THAP4: variants seen among roughly 807,000 people sequenced by gnomAD.
The protein encoded by THAP4 is peroxynitrite isomerase THAP4.
In THAP4, 18 loss-of-function variants were observed where a neutral mutation model predicts 48.1. The ratio of observed to expected loss-of-function variants is 0.37; its 90% CI spans 0.26 to 0.56. The LOEUF (loss-of-function observed/expected upper bound fraction) is 0.56. Ranked by LOEUF, THAP4 falls within the 20% of genes least tolerant of loss-of-function variation. THAP4 has a pLI of 0.78. For missense variants in THAP4, 656 were observed against 774.9 expected (o/e 0.85, Z 1.82); for synonymous variants, 345 against 324.9 (o/e 1.06, Z -0.66).
At chr2:241,605,698 T>C (rs531344581) in intron 3 of THAP4, among the ~76,000 whole-genome samples, 78 of 152,062 alleles carry the variant, frequency 5.1e-4, no homozygotes, top group African/African-American at 1.7e-3. Context: ...TTATTTTCAG[T>C]AATATTGGGT....
At chr2:241,626,357 C>A (rs776153921) in intron 2 of THAP4, among the ~76,000 whole-genome samples, 4 of 152,030 alleles carry the variant, frequency 2.6e-5, no homozygotes, top group Admixed American at 6.6e-5. Context: ...AGGAGAATTG[C>A]TTTAACCAGG....
At position 241,636,981 on chromosome 2, in the gene THAP4, G is replaced by A. The variant is rs1459205023; in HGVS notation, c.37C>T (p.Arg13Trp). ...ICCAAVNCSN[R>W]QGKGEKRAVS... Reference sequence around the variant, plus strand: ...GCGCGCTTCTCGCCCTTTCCCTGCCGGTTGGAGCAGTTCACGGCCGCACAG... The same window carrying A: ...GCGCGCTTCTCGCCCTTTCCCTGCCAGTTGGAGCAGTTCACGGCCGCACAG... Residue 13 changes from arginine (R) to tryptophan (W), a missense_variant, in exon 1 of 6, where the codon CGG becomes TGG. Arg to Trp is a moderately radical substitution (Grantham distance 101). Transcript: ENST00000407315. 3.0e-6 allele frequency: 4 copies of A among 1,329,528 alleles called. No homozygotes were observed. The highest frequency in any genetic ancestry group is 3.9e-6 in the Non-Finnish European group (4 of 1,017,178). The allele number at this position is 1,329,528 out of a possible 1,614,324, so 82.4% of individuals were successfully genotyped here. A position where few individuals can be genotyped will look rare whatever the true frequency, so the allele number is the denominator to read the frequency against.
chr2:241,590,411 C>T (rs867433764), intron 5 of THAP4, among the ~76,000 whole-genome samples: 191 of 143,464 alleles, frequency 1.3e-3, no homozygotes, highest in African/African-American at 4.8e-3. Context: ...CAGAGCTGCT[C>T]GGCTGATGAT....
Position 241,637,021 on chromosome 2 carries a change from G to T in THAP4, c.-4C>A. Reference sequence around the variant, plus strand: ...CGGCCGCACAGCAGATCACCATCGCGGGCCTTGGCCCAGCCGCGCAGCCAG... The same window carrying T: ...CGGCCGCACAGCAGATCACCATCGCTGGCCTTGGCCCAGCCGCGCAGCCAG... On this transcript the variant is annotated 5_prime_UTR_variant, in exon 1 of 6. Transcript: ENST00000407315. 3 of 1,273,408 alleles carry T rather than the reference G, an allele frequency of 2.4e-6. No individual in the cohort carries two copies. Among genetic ancestry groups the T allele is most frequent in the Admixed American group, 2.4e-5 (1 of 42,304 alleles). The allele number at this position is 1,273,408 out of a possible 1,614,324, so 78.9% of individuals were successfully genotyped here.
At chr2:241,590,537 A>AGGGGCAC (rs1559216459) in intron 5 of THAP4, among the ~76,000 whole-genome samples, 15 of 140,322 alleles carry the variant, frequency 1.1e-4, no homozygotes, top group East Asian at 2.3e-4. Context: ...TCGGCTGATG[A>AGGGGCAC]TGGGCACTAG....
At chr2:241,604,027 C>G (rs1039031371) in intron 3 of THAP4, among the ~76,000 whole-genome samples, 46 of 151,632 alleles carry the variant, frequency 3.0e-4, no homozygotes, top group African/African-American at 1.0e-3. Flanking sequence ...AAAAAAGCCT[C>G]ATTTATCATT....
chr2:241,623,590 A>C (rs1414028167), intron 2 of THAP4, among the ~76,000 whole-genome samples: 1 of 147,534 alleles, frequency 6.8e-6, no homozygotes, highest in Non-Finnish European at 1.5e-5. Context: ...AGAAAGAAAA[A>C]AGGAAAAAAA....
upstream of THAP4, chr2:241,637,160 G>GAGGC: frequency 2.0e-6 from 2 of 986,838 alleles, no homozygotes; most frequent in Non-Finnish European, 2.4e-6. Flanking sequence ...CGGCAAGATG[G>GAGGC]AGGCGCAGGC....
At chr2:241,634,244 C>A (rs2067609050) in intron 1 of THAP4, among the ~76,000 whole-genome samples, 165 bp from the exon 2 acceptor site, 2 of 152,218 alleles carry the variant, frequency 1.3e-5, no homozygotes, top group African/African-American at 4.8e-5. Flanking sequence ...CTTCTACCTG[C>A]AGTTATTACT....
At chr2:241,608,373 T>C (rs1441645977) in intron 2 of THAP4, among the ~76,000 whole-genome samples, 1 of 152,234 alleles carries the variant, frequency 6.6e-6, no homozygotes, top group Non-Finnish European at 1.5e-5. Context: ...TCTTTCAGTA[T>C]TTCCTTTTTT....
intron 4 of THAP4, among the ~76,000 whole-genome samples, chr2:241,602,440 C>T (rs1191639954): frequency 1.3e-5 from 2 of 151,936 alleles, no homozygotes; most frequent in African/African-American, 4.8e-5. Context: ...TCTTGGCTCA[C>T]CGCAACCTCT....
At chr2:241,635,604 C>T (rs372774427) in intron 1 of THAP4, among the ~76,000 whole-genome samples, 156 of 152,082 alleles carry the variant, frequency 1.0e-3, no homozygotes, top group African/African-American at 3.5e-3. Context: ...CCTGTCTCTA[C>T]TAAAAATACA....
chr2:241,630,310 AG>A (rs2125098130), intron 2 of THAP4, among the ~76,000 whole-genome samples: 1 of 152,338 alleles, frequency 6.6e-6, no homozygotes, highest in East Asian at 1.9e-4. Flanking sequence ...TGCAGGGTTA[AG>A]GAACACGCCA....
At position 241,608,213 on chromosome 2, in the gene THAP4, G is replaced by A. The variant is rs1001329070; in HGVS notation, c.1241-1740C>T. Among the ~76,000 whole-genome samples the A allele has an allele frequency of 4.9e-4, 74 of 152,306 alleles. 1 individual carries two copies. The highest frequency in any genetic ancestry group is 1.6e-3 in the African/African-American group (68 of 41,566). ...CCAAGGAGGGCCGCACATGTGGCCT[G>A]GCCCAGTGGCCGAGCCCTGGGGCCC... On this transcript the variant is annotated intron_variant, in intron 2 of 5. Transcript: ENST00000407315.
rs772714347 is a variant in THAP4 at position 241,584,679 on chromosome 2, G to A, written c.1661C>T (p.Thr554Met). 2.2e-5 allele frequency: 35 copies of A among 1,614,084 alleles called. No homozygotes were observed. Among genetic ancestry groups the A allele is most frequent in the African/African-American group, 8.0e-5 (6 of 74,930 alleles). Reference sequence around the variant, plus strand: ...CTGTGTCGTGGTTGCCATGGAGACCGTCTGCTCAAGTTTGCCTTCAGAATT... The same window carrying A: ...CTGTGTCGTGGTTGCCATGGAGACCATCTGCTCAAGTTTGCCTTCAGAATT... ...RLNSEGKLEQ[T>M]VSMATTTQPM... The change falls in exon 6 of 6, where the codon ACG becomes ATG. Residue 554 changes from threonine to methionine, a missense_variant. Transcript: ENST00000407315.
intron 2 of THAP4, among the ~76,000 whole-genome samples, chr2:241,625,160 A>T (rs1369933551): frequency 6.6e-6 from 1 of 152,082 alleles, no homozygotes; most frequent in Admixed American, 6.6e-5. Flanking sequence ...CAGGGCCCTA[A>T]TACCAAAACA....
At chr2:241,636,077 G>A (rs2067644184) in intron 1 of THAP4, among the ~76,000 whole-genome samples, 1 of 152,298 alleles carries the variant, frequency 6.6e-6, no homozygotes, top group East Asian at 1.9e-4. Context: ...CACAAGCTCT[G>A]AAGGAAATTG....
chr2:241,637,365 A>C (rs2067693365), upstream of THAP4: 3 of 1,368,442 alleles, frequency 2.2e-6, no homozygotes, highest in Non-Finnish European at 2.9e-6. Context: ...TCCGTACCGC[A>C]AGATGGCTGC....
intron 2 of THAP4, among the ~76,000 whole-genome samples, chr2:241,622,287 C>G (rs2067437807): frequency 6.6e-6 from 1 of 152,106 alleles, no homozygotes; most frequent in Non-Finnish European, 1.5e-5. Context: ...ATTGCTTGAG[C>G]ATGGGAGGTG....
Sources: gnomAD v4.1 joint callset for allele counts (sites outside exome capture counted in the v4.1 genomes callset) on GRCh38, gnomAD v4.1.1 for gene constraint, MANE v1.5 for transcripts, NCBI Gene and HGNC (gene_info 2026-07-23, HGNC 2026-07-21) for gene names.